RANBP2: variants seen among roughly 807,000 people sequenced by gnomAD.
RANBP2 encodes RAN binding protein 2.
Under a neutral mutation model 303.6 loss-of-function variants are expected in RANBP2, and 57 were observed. That is an observed-to-expected ratio of 0.19 (90% CI 0.15 to 0.23). The LOEUF is 0.23. Ranked by LOEUF, RANBP2 falls within the 10% of genes least tolerant of loss-of-function variation. RANBP2 has a pLI of 1.00. For missense variants in RANBP2, 3,138 were observed against 3,780.8 expected (o/e 0.83, Z 4.46); for synonymous variants, 1,167 against 1,301.5 (o/e 0.90, Z 2.23).
the RANBP2 span, chr2:109,437,124 A>T: frequency 6.2e-7 from 1 of 1,612,140 alleles, no homozygotes; most frequent in Non-Finnish European, 8.5e-7. Flanking sequence ...CGGCCAGCCA[A>T]GCCCGGAGCA....
Position 108,764,522 on chromosome 2 carries a change from G to A in RANBP2, c.3983G>A (p.Ser1328Asn). ...QAVRIVKEPT[S>N]HDNKDICKSD... is the part of the protein sequence containing the mutation. Reference sequence around the variant, plus strand: ...GTCAGAATTGTAAAAGAACCCACAAGTCATGATAACAAGGATATTTGCAAA... The same window carrying A: ...GTCAGAATTGTAAAAGAACCCACAAATCATGATAACAAGGATATTTGCAAA... The change falls in exon 20 of 29, where the codon AGT becomes AAT. Residue 1328 changes from serine (S) to asparagine (N), a missense_variant. Ser to Asn is a conservative substitution (Grantham distance 46, BLOSUM62 1). Around this residue, in one of 20 missense-constraint regions of RANBP2, gnomAD observed 388 missense variants for 328.5 expected, o/e 1.18. Coordinates refer to ENST00000283195, the MANE Select transcript of RANBP2 (RefSeq NM_006267.5). 1.2e-6 allele frequency: 2 copies of A among 1,613,848 alleles called. No individual in the cohort carries two copies. Among genetic ancestry groups the A allele is most frequent in the Admixed American group, 1.7e-5 (1 of 59,972 alleles).
chr2:109,227,306 A>G, the RANBP2 span, among the ~76,000 whole-genome samples: 44,906 of 152,038 alleles, frequency 0.3, 7,627 homozygotes, highest in South Asian at 0.39. Flanking sequence ...CAGGCACACA[A>G]AGCTACACGT....
the RANBP2 span, among the ~76,000 whole-genome samples, chr2:109,142,045 G>GC: frequency 1.4e-4 from 20 of 147,582 alleles, 1 homozygote; most frequent in African/African-American, 2.5e-4. Context: ...GAGTCTCCTG[G>GC]GGGGGGGGTC....
At chr2:109,193,322 CCATT>C in the RANBP2 span, among the ~76,000 whole-genome samples, 1 of 152,150 alleles carries the variant, frequency 6.6e-6, no homozygotes, top group African/African-American at 2.4e-5. Context: ...GTGAATTCAT[CCATT>C]CAAAGTGTAC....
the RANBP2 span, among the ~76,000 whole-genome samples, chr2:109,411,862 C>G: frequency 6.6e-6 from 1 of 152,228 alleles, no homozygotes; most frequent in African/African-American, 2.4e-5. Context: ...TGTTAAATCC[C>G]ACATATTTGC....
At chr2:108,947,409 C>T in the RANBP2 span, among the ~76,000 whole-genome samples, 1 of 152,190 alleles carries the variant, frequency 6.6e-6, no homozygotes, top group Non-Finnish European at 1.5e-5. Context: ...CTCACAGCTC[C>T]ACTAGGCAGT....
chr2:108,732,309 A>G (rs1695232619), intron 4 of RANBP2, among the ~76,000 whole-genome samples: 1 of 152,116 alleles, frequency 6.6e-6, no homozygotes, highest in Admixed American at 6.6e-5. Flanking sequence ...ATACAGGTTG[A>G]GCATTTAAAA....
chr2:109,370,792 C>T, the RANBP2 span, among the ~76,000 whole-genome samples: 8 of 152,172 alleles, frequency 5.3e-5, no homozygotes, highest in African/African-American at 1.9e-4. Flanking sequence ...CTTTCTCCTT[C>T]CATCTGTTTC....
the RANBP2 span, among the ~76,000 whole-genome samples, chr2:108,905,215 C>A: frequency 6.6e-6 from 1 of 152,078 alleles, no homozygotes; most frequent in East Asian, 1.9e-4. Flanking sequence ...AGGTTCTCAG[C>A]CCTGGCTGAG....
chr2:108,866,924 A>G, the RANBP2 span, among the ~76,000 whole-genome samples: 3 of 152,038 alleles, frequency 2.0e-5, no homozygotes, highest in African/African-American at 7.2e-5. Context: ...ACCTTATTAT[A>G]AATTCCCTTT....
chr2:109,611,167 A>C, the RANBP2 span, among the ~76,000 whole-genome samples: 1 of 152,256 alleles, frequency 6.6e-6, no homozygotes, highest in Non-Finnish European at 1.5e-5. Flanking sequence ...TAAGTCTGAC[A>C]CCTAACAGAA....
intron 1 of RANBP2, among the ~76,000 whole-genome samples, chr2:108,724,255 C>T (rs1295091339): frequency 1.1e-4 from 17 of 152,084 alleles, no homozygotes; most frequent in African/African-American, 3.6e-4. Flanking sequence ...TTCCGCCTCC[C>T]GGGTTCAAGC....
At chr2:108,854,801 C>T in the RANBP2 span, among the ~76,000 whole-genome samples, 1 of 152,152 alleles carries the variant, frequency 6.6e-6, no homozygotes, top group African/African-American at 2.4e-5. Context: ...TTCTAATTCA[C>T]ACAGCATCAT....
At chr2:109,350,286 G>A in the RANBP2 span, among the ~76,000 whole-genome samples, 77 of 152,340 alleles carry the variant, frequency 5.1e-4, no homozygotes, top group Admixed American at 7.2e-4. Context: ...ATTGAGGTCA[G>A]AGGCGCCAGC....
the RANBP2 span, among the ~76,000 whole-genome samples, chr2:109,412,791 C>G: frequency 6.6e-6 from 1 of 152,232 alleles, no homozygotes; most frequent in Non-Finnish European, 1.5e-5. Context: ...TCCCAAAAGG[C>G]AACTCCCCAA....
At chr2:109,558,577 C>G in the RANBP2 span, among the ~76,000 whole-genome samples, 1 of 152,130 alleles carries the variant, frequency 6.6e-6, no homozygotes, top group African/African-American at 2.4e-5. Context: ...ATGTTAAGAT[C>G]AGTTAATTAA....
the RANBP2 span, among the ~76,000 whole-genome samples, chr2:109,026,550 A>G: frequency 6.6e-6 from 1 of 152,200 alleles, no homozygotes; most frequent in Non-Finnish European, 1.5e-5. Context: ...TGCAGTCATG[A>G]GCTCCCAGCT....
intron 1 of RANBP2, among the ~76,000 whole-genome samples, chr2:108,727,085 T>C (rs910859492): frequency 1.3e-5 from 2 of 152,004 alleles, no homozygotes; most frequent in Non-Finnish European, 2.9e-5. Context: ...TCCCCACCTT[T>C]CCCGCCTTTC....
chr2:109,511,168 C>T, the RANBP2 span, among the ~76,000 whole-genome samples: 1 of 152,216 alleles, frequency 6.6e-6, no homozygotes, highest in Non-Finnish European at 1.5e-5. Context: ...AAAGGCCGCA[C>T]TCCTAACTCC....
Sources: allele counts gnomAD v4.1 joint callset (sites outside exome capture counted in the v4.1 genomes callset), GRCh38; gene constraint gnomAD v4.1.1; regional missense constraint gnomAD v4.1.1; transcripts MANE v1.5; gene names NCBI Gene and HGNC (gene_info 2026-07-23, HGNC 2026-07-21).